Variants in STK31 observed in about 807,000 individuals in gnomAD.
The protein encoded by STK31 is serine/threonine-protein kinase 31.
Under a neutral mutation model 129.7 loss-of-function variants are expected in STK31, and 89 were observed. That is an observed-to-expected ratio of 0.69 (90% CI 0.58 to 0.82). The LOEUF (loss-of-function observed/expected upper bound fraction) is 0.82. STK31 is among the 40% of genes least tolerant of loss of function. The pLI, the probability that STK31 is intolerant of heterozygous loss-of-function variation, is 0.00. For synonymous variants in STK31, 448 were observed against 395.3 expected (o/e 1.13, Z -1.58); for missense variants, 1,187 against 1,176.4 (o/e 1.01, Z -0.13).
chr7:23,832,168 G>A lies in STK31; in HGVS notation c.2862G>A (p.Leu954=). ...AAGTCAAATCCCTCCTCTGTAGCTT[G>A]ATATGTTATAGAAGTTCAATGACTG... The part of the protein sequence containing the change: ...DDKVKSLLCS[L]ICYRSSMTAE... Residue 954 remains leucine (L), a synonymous_variant, in exon 24 of 24, where the codon TTG becomes TTA. Coordinates refer to ENST00000355870, the MANE Select transcript of STK31 (RefSeq NM_031414.5). 6.2e-7 allele frequency: 1 copy of A among 1,613,992 alleles called. No individual in the cohort carries two copies. Among genetic ancestry groups the A allele is most frequent in the Non-Finnish European group, 8.5e-7 (1 of 1,179,960 alleles).
At chr7:23,822,006 A>C (rs35145944) in intron 23 of STK31, among the ~76,000 whole-genome samples, 49,294 of 151,916 alleles carry the variant, frequency 0.32, 8,260 homozygotes, top group South Asian at 0.43. Context: ...GCATATATCT[A>C]TTTCTATACT....
chr7:23,735,314 A>T (rs1414658902), intron 6 of STK31, among the ~76,000 whole-genome samples: 2 of 152,232 alleles, frequency 1.3e-5, no homozygotes, highest in Admixed American at 6.5e-5. Flanking sequence ...AGATTTATAA[A>T]GGTGGCTGCC....
intron 23 of STK31, among the ~76,000 whole-genome samples, chr7:23,819,540 G>A (rs550025597): frequency 6.6e-5 from 10 of 151,728 alleles, no homozygotes; most frequent in Non-Finnish European, 1.0e-4. Flanking sequence ...TCAGCAGCTT[G>A]AGTAGCTGGG....
chr7:23,829,405 G>A (rs532130622), intron 23 of STK31, among the ~76,000 whole-genome samples: 1 of 152,262 alleles, frequency 6.6e-6, no homozygotes, highest in African/African-American at 2.4e-5. Flanking sequence ...TTTGCTCTTT[G>A]TTCAGTTGAT....
rs774331283 is a variant in STK31, at chr7:23,776,946, C to T, written c.1966-4473C>T. On this transcript the variant is annotated intron_variant, in intron 15 of 23. Coordinates refer to ENST00000355870, the MANE Select transcript of STK31 (RefSeq NM_031414.5). ...CGATTTTAGATCTTTTCCGCTTTCA[C>T]CTGTGGGCATTTAGTGCTATAAATT... Among the ~76,000 whole-genome samples, 6 of 152,150 alleles carry T rather than the reference C, an allele frequency of 3.9e-5. No individual in the cohort carries two copies. In the South Asian group the frequency reaches 6.2e-4, roughly 16 times the overall value.
intron 6 of STK31, among the ~76,000 whole-genome samples, chr7:23,734,794 A>ATC (rs1787620453): frequency 6.6e-6 from 1 of 152,122 alleles, no homozygotes. Context: ...GTGAAACCCC[A>ATC]TCTCTACTAA....
At chr7:23,753,339 G>A (rs1285264050) in intron 9 of STK31, among the ~76,000 whole-genome samples, 2 of 152,168 alleles carry the variant, frequency 1.3e-5, no homozygotes, top group Admixed American at 1.3e-4. Context: ...TGGTGTGTCT[G>A]TATTGTCCCA....
At chr7:23,769,841 G>A in intron 13 of STK31, 85 bp downstream of exon 13, 1 of 842,212 alleles carries the variant, frequency 1.2e-6, no homozygotes, top group Non-Finnish European at 1.9e-6. Context: ...CAATAATAGA[G>A]TTTTTCTTGC....
intron 10 of STK31, among the ~76,000 whole-genome samples, chr7:23,757,272 A>G (rs1789148365): frequency 6.6e-6 from 1 of 151,920 alleles, no homozygotes; most frequent in Non-Finnish European, 1.5e-5. Context: ...GAGACTTGAG[A>G]AAAGAAAGAG....
Position 23,728,072 on chromosome 7 carries a change from C to CTTTTTTTTT in STK31, c.324+777_324+785dup, listed in dbSNP as rs56355518. On this transcript the variant is annotated intron_variant, in intron 5 of 23. Coordinates refer to ENST00000355870, the MANE Select transcript of STK31 (RefSeq NM_031414.5). ...TGTGGTGAGTTTTCTTTGTGTTAAG[C>CTTTTTTTTT]TTTTTTTTTTTTTTTTTTTTTTTTT... Among the ~76,000 whole-genome samples the CTTTTTTTTT allele has an allele frequency of 2.1e-4, 14 of 68,266 alleles. 1 individual carries two copies. Among genetic ancestry groups the CTTTTTTTTT allele is most frequent in the Admixed American group, 3.8e-4 (2 of 5,300 alleles). The allele number at this position is 68,266 out of a possible 152,430, so 44.8% of individuals were successfully genotyped here.
At chr7:23,750,559 A>T (rs1788652217) in intron 8 of STK31, among the ~76,000 whole-genome samples, 1 of 152,194 alleles carries the variant, frequency 6.6e-6, no homozygotes, top group Admixed American at 6.5e-5. Context: ...ACTTTTAGAG[A>T]TAAAGATTTC....
At chr7:23,729,302 G>A in intron 6 of STK31, 53 bp downstream of exon 6, 2 of 1,465,698 alleles carry the variant, frequency 1.4e-6, no homozygotes, top group Non-Finnish European at 1.8e-6. Context: ...CTATGTGCTT[G>A]AAACAAAATG....
chr7:23,798,446 A>G (rs1006804976), intron 22 of STK31, among the ~76,000 whole-genome samples: 12 of 122,346 alleles, frequency 9.8e-5, no homozygotes, highest in African/African-American at 3.2e-4. Context: ...CTGGTTCAAC[A>G]TATGCAAATC....
intron 20 of STK31, among the ~76,000 whole-genome samples, chr7:23,787,545 A>G (rs768189979): frequency 1.1e-4 from 16 of 152,066 alleles, no homozygotes; most frequent in Non-Finnish European, 2.2e-4. Context: ...TAAGATCAGT[A>G]GAGGCATTAG....
At chr7:23,777,797 A>G (rs545962154) in intron 15 of STK31, among the ~76,000 whole-genome samples, 3 of 152,142 alleles carry the variant, frequency 2.0e-5, no homozygotes, top group South Asian at 2.1e-4. Flanking sequence ...CCAATTTGCC[A>G]GTCCTTGTCT....
chr7:23,769,461 G>A (rs558479000), intron 12 of STK31, among the ~76,000 whole-genome samples, 179 bp from the exon 13 acceptor site: 2 of 152,128 alleles, frequency 1.3e-5, no homozygotes, highest in South Asian at 4.2e-4. Context: ...TATGCTATGT[G>A]TATGTACCTT....
At chr7:23,826,753 A>T (rs1435747425) in intron 23 of STK31, among the ~76,000 whole-genome samples, 3 of 151,930 alleles carry the variant, frequency 2.0e-5, no homozygotes, top group Non-Finnish European at 4.4e-5. Context: ...TTCCATGTTT[A>T]GTGCTTCCTT....
At chr7:23,805,083 T>C (rs920782566) in intron 22 of STK31, among the ~76,000 whole-genome samples, 4 of 78,734 alleles carry the variant, frequency 5.1e-5, no homozygotes, top group South Asian at 2.7e-4. Context: ...CTCTCTCTCT[T>C]TTTTTTTTTT....
chr7:23,771,107 T>A lies in STK31; in HGVS notation c.1816T>A (p.Tyr606Asn). ...ERLIATVQAK[Y>N]KDSIEFKKQL... ...GCTCATTGCCACAGTACAAGCTAAG[T>A]ACAAGGACAGTATTGAGGTTTGATT... The change falls in exon 14 of 24, where the codon TAC (tyrosine) becomes AAC (asparagine). Residue 606 changes from tyrosine (Y) to asparagine (N), a missense_variant. Transcript: ENST00000355870. The A allele has an allele frequency of 1.2e-6, 2 of 1,610,302 alleles. No homozygotes were observed.
Sources: gnomAD v4.1 joint callset for allele counts (sites outside exome capture counted in the v4.1 genomes callset) on GRCh38, gnomAD v4.1.1 for gene constraint, MANE v1.5 for transcripts, NCBI Gene and HGNC (gene_info 2026-07-23, HGNC 2026-07-21) for gene names.